Variants in ITGBL1 observed in about 807,000 individuals in gnomAD.
ITGBL1 encodes the protein integrin subunit beta like 1, also known as integrin beta-like protein 1.
A neutral mutation model predicts 68.5 loss-of-function variants in ITGBL1; 51 were observed. The ratio of observed to expected loss-of-function variants is 0.74; its 90% confidence interval spans 0.59 to 0.94. The LOEUF is 0.94. ITGBL1 is among the 40% of genes least tolerant of loss of function. The pLI is 0.00. For synonymous variants in ITGBL1, 209 were observed against 227.3 expected (o/e 0.92, Z 0.72); for missense variants, 649 against 647.4 (o/e 1.00, Z -0.03).
intron 2 of ITGBL1, among the ~76,000 whole-genome samples, chr13:101,564,367 A>C (rs2050147743): frequency 6.6e-6 from 1 of 151,938 alleles, no homozygotes; most frequent in Admixed American, 6.6e-5. Context: ...AATTGGATTT[A>C]ATTAAGATCA....
chr13:101,545,201 A>T (rs1031471388), intron 2 of ITGBL1, among the ~76,000 whole-genome samples: 1 of 152,108 alleles, frequency 6.6e-6, no homozygotes, highest in East Asian at 1.9e-4. Context: ...CCCCACCCCT[A>T]TGCTGTGCTG....
In ITGBL1 at chr13:101,601,352, G is replaced by T. The variant is rs1594919377; in HGVS notation, c.1015+3053G>T. The stretch of plus-strand genomic sequence containing the variant: ...TTCTTCTTTATTAGTCTTGCTACCG[G>T]TCTATCAATTTTGTTGAACTTTTCA... On this transcript the variant is annotated intron_variant, in intron 7 of 10. Transcript: ENST00000376180. 5.3e-5 allele frequency among the ~76,000 whole-genome samples: 8 copies of T among 152,142 alleles called. No homozygotes were observed. In the South Asian group the frequency reaches 8.3e-4, roughly 16 times the overall value.
At chr13:101,629,411 A>C (rs2031900968) in intron 7 of ITGBL1, among the ~76,000 whole-genome samples, 1 of 152,068 alleles carries the variant, frequency 6.6e-6, no homozygotes, top group Admixed American at 6.5e-5. Flanking sequence ...AATACACTGC[A>C]TACAGTTTAA....
At chr13:101,713,792 A>G (rs551573961) in intron 9 of ITGBL1, 2 of 152,122 alleles carry the variant, frequency 1.3e-5, no homozygotes, top group Non-Finnish European at 2.9e-5. Flanking sequence ...GGAGGGAAAA[A>G]GAGTTGAATC....
chr13:101,618,313 G>A (rs2031447195), intron 7 of ITGBL1, among the ~76,000 whole-genome samples: 1 of 152,172 alleles, frequency 6.6e-6, no homozygotes. Flanking sequence ...ATCACACTTT[G>A]CAGCAATCTC....
At chr13:101,719,001 C>T (rs187966472), downstream of ITGBL1, 2 of 152,142 alleles carry the variant, frequency 1.3e-5, no homozygotes, top group Admixed American at 1.3e-4. Context: ...GGATTTAGCC[C>T]AGTCGCTTTC....
chr13:101,493,715 G>T (rs139598173), intron 2 of ITGBL1, among the ~76,000 whole-genome samples: 17 of 152,318 alleles, frequency 1.1e-4, no homozygotes, highest in African/African-American at 3.8e-4. Context: ...ACCTAAGCCT[G>T]TAGAACATCT....
At chr13:101,687,173 C>T (rs750580702) in intron 7 of ITGBL1, among the ~76,000 whole-genome samples, 6 of 151,954 alleles carry the variant, frequency 3.9e-5, no homozygotes, top group Non-Finnish European at 5.9e-5. Context: ...TATAGAATAG[C>T]AGACTTTAGA....
chr13:101,482,917 A>G (rs1019235438), intron 2 of ITGBL1, among the ~76,000 whole-genome samples: 1 of 152,256 alleles, frequency 6.6e-6, no homozygotes. Flanking sequence ...TCAGTTTCAT[A>G]CTCACGGCAT....
intron 8 of ITGBL1, 99 bp from the exon 9 acceptor site, chr13:101,706,657 A>G (rs1313023701): frequency 2.4e-6 from 3 of 1,228,232 alleles, no homozygotes; most frequent in Non-Finnish European, 3.4e-6. Flanking sequence ...GTTGGATGGG[A>G]AATGAGATCC....
intron 2 of ITGBL1, among the ~76,000 whole-genome samples, chr13:101,500,388 G>T (rs1363667222): frequency 6.6e-6 from 1 of 152,152 alleles, no homozygotes; most frequent in African/African-American, 2.4e-5. Context: ...AGTTAAAAAT[G>T]TCATGTTGCT....
chr13:101,643,541 T>G lies in ITGBL1; in HGVS notation c.1015+45242T>G, dbSNP rs4995781. Among the ~76,000 whole-genome samples, 835 of 152,314 alleles carry G rather than the reference T, an allele frequency of 5.5e-3. 42 individuals carry two copies. The highest frequency in any genetic ancestry group is 0.049 in the Admixed American group (756 of 15,292). On this transcript the variant is annotated intron_variant, in intron 7 of 10. Transcript: ENST00000376180. ...ACAAAGAGGAAGGCTTTATGTGTCT[T>G]TCTCCATTGCATTAGTATGTTGGAA...
At chr13:101,616,854 A>C (rs1227550720) in intron 7 of ITGBL1, among the ~76,000 whole-genome samples, 1 of 152,214 alleles carries the variant, frequency 6.6e-6, no homozygotes, top group African/African-American at 2.4e-5. Flanking sequence ...TCTGCATTGT[A>C]ATGAGGGAGT....
intron 8 of ITGBL1, among the ~76,000 whole-genome samples, chr13:101,701,736 G>T (rs2034141182): frequency 6.6e-6 from 1 of 152,028 alleles, no homozygotes; most frequent in Non-Finnish European, 1.5e-5. Context: ...AAATAAGCCA[G>T]TCATGAAAAG....
intron 7 of ITGBL1, among the ~76,000 whole-genome samples, chr13:101,625,960 A>T (rs1389291940): frequency 6.6e-6 from 1 of 152,150 alleles, no homozygotes; most frequent in Non-Finnish European, 1.5e-5. Flanking sequence ...AATGCGGTAG[A>T]TTTCTCTTTT....
intron 8 of ITGBL1, among the ~76,000 whole-genome samples, chr13:101,702,481 G>A (rs2034158078): frequency 6.6e-6 from 1 of 151,522 alleles, no homozygotes; most frequent in South Asian, 2.1e-4. Flanking sequence ...GCTTCTGATT[G>A]CATTCATGCT....
chr13:101,575,686 C>T, intron 4 of ITGBL1, 140 bp downstream of exon 4: 2 of 841,826 alleles, frequency 2.4e-6, no homozygotes, highest in Non-Finnish European at 3.7e-6. Flanking sequence ...AAACATTTCA[C>T]ATAAGGAGAG....
chr13:101,701,453 A>C (rs1400082770), intron 8 of ITGBL1, among the ~76,000 whole-genome samples: 2 of 152,118 alleles, frequency 1.3e-5, no homozygotes, highest in Non-Finnish European at 2.9e-5. Flanking sequence ...GAATGGCTTG[A>C]ACCCGGGAGT....
At chr13:101,713,025 A>G (rs1007050150) in intron 9 of ITGBL1, 4 of 152,204 alleles carry the variant, frequency 2.6e-5, no homozygotes, top group African/African-American at 7.2e-5. Flanking sequence ...TCAAGACTAA[A>G]TACAATTATG....
Sources: gnomAD v4.1 joint callset for allele counts (sites outside exome capture counted in the v4.1 genomes callset) on GRCh38, gnomAD v4.1.1 for gene constraint, MANE v1.5 for transcripts, NCBI Gene and HGNC (gene_info 2026-07-23, HGNC 2026-07-21) for gene names.